Variants in HNRNPUL2 observed in about 807,000 individuals in gnomAD.
The protein encoded by HNRNPUL2 is heterogeneous nuclear ribonucleoprotein U-like protein 2.
In HNRNPUL2, 27 loss-of-function variants were observed where a neutral mutation model predicts 102.2. The ratio of observed to expected loss-of-function variants is 0.26; its 90% CI spans 0.19 to 0.36. The LOEUF (loss-of-function observed/expected upper bound fraction) is 0.36, where lower values mean the gene tolerates loss of function less well. Ranked by LOEUF, HNRNPUL2 falls within the 10% of genes least tolerant of loss-of-function variation. The pLI is 1.00. For synonymous variants in HNRNPUL2, 458 were observed against 387.2 expected (o/e 1.18, Z -2.15); for missense variants, 936 against 981.1 (o/e 0.95, Z 0.61).
Position 62,727,282 on chromosome 11 carries a change from G to T in HNRNPUL2, c.-126C>A. ...ACGCGCCAGCACTGAGCCCGCGCGA[G>T]CGAGCGCACGCACGCAGGAGCGGAG... is the stretch of plus-strand genomic sequence containing the variant. On this transcript the variant is annotated 5_prime_UTR_variant, in exon 1 of 14. Transcript: ENST00000301785. 1.7e-6 allele frequency: 2 copies of T among 1,165,728 alleles called. No homozygotes were observed. Among genetic ancestry groups the T allele is most frequent in the Non-Finnish European group, 1.1e-6 (1 of 932,678 alleles). The allele number at this position is 1,165,728 out of a possible 1,614,324, so 72.2% of individuals were successfully genotyped here.
chr11:62,715,735 A>G, intron 12 of HNRNPUL2, 128 bp from the exon 13 acceptor site: 3 of 1,144,098 alleles, frequency 2.6e-6, no homozygotes, highest in South Asian at 2.5e-5. Context: ...CCCATAGTAA[A>G]TCTTCCAGAA....
rs745475234 is a variant in HNRNPUL2, at chr11:62,726,988, A to AGGCCCCGCCGGGCCC, written c.154_168dup (p.Gly52_Ala56dup). 2.9e-5 allele frequency: 39 copies of AGGCCCCGCCGGGCCC among 1,358,560 alleles called. No homozygotes were observed. The East Asian group carries it at 7.7e-4, about 27-fold the overall frequency. 84.2% of individuals were successfully genotyped at this position (1,358,560 alleles called of 1,614,324 possible). ...GCCACAGGCCGAGGCTCCGCCTTGCAGGCCCCGCCGGGCCCGGCCCCGCCG... is the reference window on the plus strand; with the variant it reads ...GCCACAGGCCGAGGCTCCGCCTTGCAGGCCCCGCCGGGCCCGGCCCCGCCGGGCCCGGCCCCGCCG... On this transcript the variant is annotated inframe_insertion, in exon 1 of 14. Coordinates refer to ENST00000301785, the MANE Select transcript of HNRNPUL2 (RefSeq NM_001079559.3).
At position 62,726,904 on chromosome 11, in the gene HNRNPUL2, C is replaced by G; in HGVS notation, c.253G>C (p.Asp85His). 6.6e-7 allele frequency: 1 copy of G among 1,509,612 alleles called. No homozygotes were observed. The highest frequency in any genetic ancestry group is 8.8e-7 in the Non-Finnish European group (1 of 1,135,422). 93.5% of individuals were successfully genotyped at this position (1,509,612 alleles called of 1,614,324 possible). The change falls in exon 1 of 14, where the codon GAC (aspartate) becomes CAC (histidine). Residue 85 changes from aspartate to histidine, a missense_variant. Transcript: ENST00000301785. ...TCGTCCTCAAGCAGCGCCTCCTCGT[C>G]CTCCTCCTCCTCCTCTTCGTCCTCC... The part of the protein sequence containing the change: ...EEEDEEEEEE[D>H]EEALLEDEDE...
intron 8 of HNRNPUL2, 94 bp from the exon 9 acceptor site, chr11:62,721,517 A>C: frequency 8.6e-7 from 1 of 1,159,282 alleles, no homozygotes; most frequent in Non-Finnish European, 1.2e-6. Context: ...TCACCTCTTC[A>C]AATACTGAAT....
chr11:62,721,772 TA>T, intron 8 of HNRNPUL2, 47 bp downstream of exon 8: 1 of 1,598,706 alleles, frequency 6.3e-7, no homozygotes, highest in Non-Finnish European at 8.6e-7. Context: ...AGATAGGTTA[TA>T]AGAGTCTCCA....
At position 62,726,969 on chromosome 11, in the gene HNRNPUL2, G is replaced by A. The variant is rs1049823117; in HGVS notation, c.188C>T (p.Pro63Leu). 4 of 1,429,704 alleles carry A rather than the reference G, an allele frequency of 2.8e-6. No homozygotes were observed. The African/African-American group carries it at 4.5e-5, about 16-fold the overall frequency. 88.6% of individuals were successfully genotyped at this position (1,429,704 alleles called of 1,614,324 possible). A position where few individuals can be genotyped will look rare whatever the true frequency, so the allele number is the denominator to read the frequency against. ...PGGACKAEPR[P>L]VAASGGGPGG... ...CGGGCCGCCGCCCGACGCGGCCACA[G>A]GCCGAGGCTCCGCCTTGCAGGCCCC... The change falls in exon 1 of 14, where the codon CCT becomes CTT. Residue 63 changes from proline (P) to leucine (L), a missense_variant. Pro to Leu is a moderately conservative substitution (Grantham distance 98). Around this residue, in one of 2 missense-constraint regions of HNRNPUL2, gnomAD observed 327 missense variants for 268.1 expected, o/e 1.22. Transcript: ENST00000301785.
chr11:62,727,281 A>C lies in HNRNPUL2; in HGVS notation c.-125T>G. On this transcript the variant is annotated 5_prime_UTR_variant, in exon 1 of 14. Coordinates refer to ENST00000301785, the MANE Select transcript of HNRNPUL2 (RefSeq NM_001079559.3). ...CACGCGCCAGCACTGAGCCCGCGCG[A>C]GCGAGCGCACGCACGCAGGAGCGGA... is the stretch of plus-strand genomic sequence containing the variant. 1.7e-6 allele frequency: 2 copies of C among 1,157,368 alleles called. No homozygotes were observed. Among genetic ancestry groups the C allele is most frequent in the Non-Finnish European group, 2.2e-6 (2 of 925,682 alleles). The allele number at this position is 1,157,368 out of a possible 1,614,324, so 71.7% of individuals were successfully genotyped here.
Position 62,727,252 on chromosome 11 carries a change from G to A in HNRNPUL2, c.-96C>T. On this transcript the variant is annotated 5_prime_UTR_variant, in exon 1 of 14. Transcript: ENST00000301785. ...GGCGCCGCCGCCGCCGCCCGCCTCC[G>A]CCTCACGCGCCAGCACTGAGCCCGC... The A allele has an allele frequency of 4.6e-6, 6 of 1,293,892 alleles. No individual in the cohort carries two copies. Among genetic ancestry groups the A allele is most frequent in the Non-Finnish European group, 5.9e-6 (6 of 1,022,878 alleles). The allele number at this position is 1,293,892 out of a possible 1,614,324, so 80.2% of individuals were successfully genotyped here.
At chr11:62,716,761 G>T (rs1173775050) in intron 11 of HNRNPUL2, among the ~76,000 whole-genome samples, 10 of 152,224 alleles carry the variant, frequency 6.6e-5, no homozygotes, top group Admixed American at 6.5e-4. Context: ...TTTGTGAAAA[G>T]TAACTCTTTT....
chr11:62,715,392 G>GA lies in HNRNPUL2; in HGVS notation c.2164-14dup, dbSNP rs779987388. ...AGTAACTCTGCCACTAGAAGAGAGG[G>GA]AAACCCCATCACTTGGAGCCAGAGC... On this transcript the variant is annotated splice_polypyrimidine_tract_variant and intron_variant, in intron 13 of 13. Coordinates refer to ENST00000301785, the MANE Select transcript of HNRNPUL2 (RefSeq NM_001079559.3). The GA allele has an allele frequency of 2.2e-5, 36 of 1,611,474 alleles. No individual in the cohort carries two copies. The African/African-American group carries it at 4.8e-4, about 22-fold the overall frequency.
rs181081521 is a variant in HNRNPUL2, at chr11:62,720,683, T to C, written c.1612-492A>G. 1.6e-4 allele frequency among the ~76,000 whole-genome samples: 25 copies of C among 151,626 alleles called. No individual in the cohort carries two copies. The East Asian group carries it at 4.9e-3, about 29-fold the overall frequency. On this transcript the variant is annotated intron_variant, in intron 9 of 13. Coordinates refer to ENST00000301785, the MANE Select transcript of HNRNPUL2 (RefSeq NM_001079559.3). The stretch of plus-strand genomic sequence containing the variant: ...ATCAAGAGCATCCTGGCTAACACGA[T>C]GAAACCCTGTCTCTACTAAAAATAC...
chr11:62,724,140 G>A lies in HNRNPUL2; in HGVS notation c.675-150C>T, dbSNP rs2083725871. 24 of 1,187,316 alleles carry A rather than the reference G, an allele frequency of 2.0e-5. No homozygotes were observed. The South Asian group carries it at 3.2e-4, about 16-fold the overall frequency. The allele number at this position is 1,187,316 out of a possible 1,614,324, so 73.5% of individuals were successfully genotyped here. A position where few individuals can be genotyped will look rare whatever the true frequency, so the allele number is the denominator to read the frequency against. On this transcript the variant is annotated intron_variant, in intron 2 of 13. Coordinates refer to ENST00000301785, the MANE Select transcript of HNRNPUL2 (RefSeq NM_001079559.3). Reference sequence around the variant, plus strand: ...TTCCAATAAATGAGAAAGGGCAATAGGAGTTTCCATGGTAGATGCAATCTA... The same window carrying A: ...TTCCAATAAATGAGAAAGGGCAATAAGAGTTTCCATGGTAGATGCAATCTA...
At position 62,727,364 on chromosome 11, in the gene HNRNPUL2, T is replaced by G. The variant is rs2083766420; in HGVS notation, c.-208A>C. The G allele has an allele frequency of 3.6e-6, 2 of 559,738 alleles. No individual in the cohort carries two copies. Among genetic ancestry groups the G allele is most frequent in the African/African-American group, 4.0e-5 (2 of 50,546 alleles). 34.7% of individuals were successfully genotyped at this position (559,738 alleles called of 1,614,324 possible). A position where few individuals can be genotyped will look rare whatever the true frequency, so the allele number is the denominator to read the frequency against. On this transcript the variant is annotated 5_prime_UTR_variant, in exon 1 of 14. Transcript: ENST00000301785. ...TTCTCCTTCGTCTCCCCTCCCCCTT[T>G]CGGCTCACGGAGCCCAAAACAACGC...
intron 10 of HNRNPUL2, 43 bp downstream of exon 10, chr11:62,719,980 T>A: frequency 6.5e-7 from 1 of 1,548,266 alleles, no homozygotes; most frequent in Non-Finnish European, 8.9e-7. Context: ...ATGAAGTCTA[T>A]GGTATTCTGT....
chr11:62,723,203 C>A (rs2083717471), intron 4 of HNRNPUL2, among the ~76,000 whole-genome samples: 1 of 152,174 alleles, frequency 6.6e-6, no homozygotes, highest in Non-Finnish European at 1.5e-5. Context: ...AAAAATATTT[C>A]TTCCCCAGCC....
chr11:62,721,701 A>T, intron 8 of HNRNPUL2, 119 bp downstream of exon 8: 1 of 1,222,760 alleles, frequency 8.2e-7, no homozygotes, highest in Non-Finnish European at 1.1e-6. Flanking sequence ...ATAGAGAAAA[A>T]TCTCATTTCT....
rs148876571 is a variant in HNRNPUL2, at chr11:62,720,546, CAAAAAAAAAAAAAAAAAA to C, written c.1612-373_1612-356del. 4.0e-3 allele frequency among the ~76,000 whole-genome samples: 525 copies of C among 131,608 alleles called. 6 individuals carry two copies. Among genetic ancestry groups the C allele is most frequent in the Non-Finnish European group, 5.9e-3 (368 of 62,266 alleles). 86.3% of individuals were successfully genotyped at this position (131,608 alleles called of 152,430 possible). ...GTGGCGGCTGAGCAAGATTCCATCT[CAAAAAAAAAAAAAAAAAA>C]AAAAAAAAAAGGCCGGGCGTGACAG... On this transcript the variant is annotated intron_variant, in intron 9 of 13. Coordinates refer to ENST00000301785, the MANE Select transcript of HNRNPUL2 (RefSeq NM_001079559.3).
intron 2 of HNRNPUL2, 148 bp downstream of exon 2, chr11:62,724,143 G>A: frequency 2.5e-6 from 3 of 1,207,736 alleles, no homozygotes; most frequent in Non-Finnish European, 3.5e-6. Flanking sequence ...GGCAATAGGA[G>A]TTTCCATGGT....
At position 62,716,773 on chromosome 11, in the gene HNRNPUL2, TAA is replaced by T. The variant is rs559745429; in HGVS notation, c.1981+214_1981+215del. Among the ~76,000 whole-genome samples, 21 of 152,328 alleles carry T rather than the reference TAA, an allele frequency of 1.4e-4. No individual in the cohort carries two copies. In the South Asian group the frequency reaches 2.3e-3, roughly 17 times the overall value. On this transcript the variant is annotated intron_variant, in intron 11 of 13. Coordinates refer to ENST00000301785, the MANE Select transcript of HNRNPUL2 (RefSeq NM_001079559.3). ...ACTTTTGTGAAAAGTAACTCTTTTT[TAA>T]AAAAGAGGATTTTTGTTGTTGTTGA...
Sources: allele counts gnomAD v4.1 joint callset (sites outside exome capture counted in the v4.1 genomes callset), GRCh38; gene constraint gnomAD v4.1.1; regional missense constraint gnomAD v4.1.1; transcripts MANE v1.5; gene names NCBI Gene and HGNC (gene_info 2026-07-23, HGNC 2026-07-21).